HPSE2: variants seen among roughly 807,000 people sequenced by gnomAD.
HPSE2 encodes the protein heparanase 2 (inactive).
A neutral mutation model predicts 60.5 loss-of-function variants in HPSE2; 38 were observed. The ratio of observed to expected loss-of-function variants is 0.63; its 90% CI spans 0.48 to 0.82. The LOEUF (loss-of-function observed/expected upper bound fraction) is 0.82, where lower values mean the gene tolerates loss of function less well. Among genes scored for constraint, HPSE2 ranks in the 40% least tolerant of loss-of-function variants. The pLI is 0.00. For synonymous variants in HPSE2, 295 were observed against 293.2 expected (o/e 1.01, Z -0.06); for missense variants, 713 against 740.4 (o/e 0.96, Z 0.43).
intron 2 of HPSE2, among the ~76,000 whole-genome samples, chr10:99,184,166 G>A (rs1159695942): frequency 6.6e-6 from 1 of 151,986 alleles, no homozygotes; most frequent in Non-Finnish European, 1.5e-5. Context: ...CCATAAAGAG[G>A]AGAAAAATCA....
intron 3 of HPSE2, among the ~76,000 whole-genome samples, chr10:98,868,820 T>A (rs1952659080): frequency 6.6e-6 from 1 of 152,202 alleles, no homozygotes; most frequent in Admixed American, 6.5e-5. Context: ...AATGTCCTAA[T>A]TTTCATGATT....
chr10:98,701,662 A>G (rs1589668983), intron 5 of HPSE2, among the ~76,000 whole-genome samples: 1 of 146,950 alleles, frequency 6.8e-6, no homozygotes, highest in Non-Finnish European at 1.5e-5. Flanking sequence ...AAAATAAAAT[A>G]AAATGAAAAT....
intron 9 of HPSE2, among the ~76,000 whole-genome samples, chr10:98,494,212 T>C (rs939917892): frequency 3.3e-5 from 5 of 152,182 alleles, no homozygotes; most frequent in African/African-American, 1.2e-4. Flanking sequence ...AGTTTTGCCA[T>C]GAGAGTATAC....
chr10:98,644,314 A>G (rs1946710846), intron 6 of HPSE2, among the ~76,000 whole-genome samples: 1 of 152,216 alleles, frequency 6.6e-6, no homozygotes, highest in South Asian at 2.1e-4. Flanking sequence ...CAGATTACTT[A>G]AGGGCCCAAG....
chr10:98,487,285 G>A (rs776040795), intron 10 of HPSE2, among the ~76,000 whole-genome samples: 35 of 152,182 alleles, frequency 2.3e-4, no homozygotes, highest in Non-Finnish European at 3.7e-4. Flanking sequence ...GGTGGTATGA[G>A]GATCTAACTT....
intron 3 of HPSE2, among the ~76,000 whole-genome samples, chr10:98,805,906 T>C (rs898658238): frequency 2.0e-5 from 3 of 152,196 alleles, no homozygotes; most frequent in Non-Finnish European, 4.4e-5. Context: ...TTGTAAATTT[T>C]ATCACTGGGG....
chr10:98,588,107 T>G (rs926210254), intron 9 of HPSE2, among the ~76,000 whole-genome samples: 1 of 152,238 alleles, frequency 6.6e-6, no homozygotes, highest in African/African-American at 2.4e-5. Context: ...TAAAAACATT[T>G]ATTCAGGCAA....
chr10:99,144,132 A>C, intron 3 of HPSE2, 106 bp downstream of exon 3: 2 of 1,121,788 alleles, frequency 1.8e-6, no homozygotes, highest in Non-Finnish European at 2.7e-6. Context: ...ACAAGTCATC[A>C]CAATTTAAAA....
intron 2 of HPSE2, among the ~76,000 whole-genome samples, chr10:99,208,289 A>C (rs1374016561): frequency 6.6e-6 from 1 of 152,180 alleles, no homozygotes; most frequent in Non-Finnish European, 1.5e-5. Context: ...AGGAAGAAAG[A>C]AACAAACAAA....
chr10:99,213,544 T>C (rs922574284), intron 2 of HPSE2, among the ~76,000 whole-genome samples: 3 of 152,116 alleles, frequency 2.0e-5, no homozygotes, highest in Admixed American at 6.5e-5. Context: ...GTTTGAGGCA[T>C]ATATCTTATA....
At chr10:98,826,744 A>C (rs774597584) in intron 3 of HPSE2, among the ~76,000 whole-genome samples, 7 of 152,232 alleles carry the variant, frequency 4.6e-5, no homozygotes, top group Non-Finnish European at 1.0e-4. Flanking sequence ...ACAATTTACC[A>C]GCCATGTGAG....
At chr10:98,688,562 G>A (rs1258250141) in intron 6 of HPSE2, among the ~76,000 whole-genome samples, 1 of 142,416 alleles carries the variant, frequency 7.0e-6, no homozygotes, top group Non-Finnish European at 1.5e-5. Flanking sequence ...TGCAACCTCC[G>A]CCTCTCGGGT....
chr10:98,605,210 T>C (rs1274954449), intron 9 of HPSE2, among the ~76,000 whole-genome samples: 1 of 152,214 alleles, frequency 6.6e-6, no homozygotes, highest in African/African-American at 2.4e-5. Context: ...TTTTCACAAA[T>C]ATTTATCAAG....
At chr10:98,802,256 C>A (rs902023937) in intron 3 of HPSE2, among the ~76,000 whole-genome samples, 5 of 151,666 alleles carry the variant, frequency 3.3e-5, no homozygotes, top group African/African-American at 1.2e-4. Context: ...CTCTCCAGGA[C>A]AGTGGACTAG....
chr10:98,930,496 T>A (rs1363307008), intron 3 of HPSE2, among the ~76,000 whole-genome samples: 1 of 144,630 alleles, frequency 6.9e-6, no homozygotes, highest in Non-Finnish European at 1.5e-5. Flanking sequence ...TTTGGGTATA[T>A]ACCCAGTAAT....
chr10:99,150,286 G>A lies in HPSE2; in HGVS notation c.449-5887C>T, dbSNP rs368059998. ...GTAACCCACAGCAGTGCTAGCCTAAGGTGGCAGTTCTGGTTGAGACAAATG... is the reference window on the plus strand; with the variant it reads ...GTAACCCACAGCAGTGCTAGCCTAAAGTGGCAGTTCTGGTTGAGACAAATG... On this transcript the variant is annotated intron_variant, in intron 2 of 11. Coordinates refer to ENST00000370552, the MANE Select transcript of HPSE2 (RefSeq NM_021828.5). Among the ~76,000 whole-genome samples, 14 of 152,244 alleles carry A rather than the reference G, an allele frequency of 9.2e-5. No homozygotes were observed. The East Asian group carries it at 2.5e-3, about 27-fold the overall frequency.
At chr10:99,281,432 T>C in the HPSE2 span, among the ~76,000 whole-genome samples, 1 of 151,910 alleles carries the variant, frequency 6.6e-6, no homozygotes, top group Admixed American at 6.6e-5. Context: ...TTTTCTGTTA[T>C]AATAAAAGTG....
chr10:98,911,926 A>C (rs1953990008), intron 3 of HPSE2, among the ~76,000 whole-genome samples: 1 of 152,156 alleles, frequency 6.6e-6, no homozygotes, highest in African/African-American at 2.4e-5. Flanking sequence ...GAAACTAAAC[A>C]ATCTCCTCAT....
intron 3 of HPSE2, among the ~76,000 whole-genome samples, chr10:98,989,089 G>A (rs1469737033): frequency 2.0e-5 from 3 of 151,988 alleles, no homozygotes; most frequent in South Asian, 2.1e-4. Context: ...TCAGTGTGGC[G>A]ATTCCTCAGG....
Sources: gnomAD v4.1 joint callset for allele counts (sites outside exome capture counted in the v4.1 genomes callset) on GRCh38, gnomAD v4.1.1 for gene constraint, MANE v1.5 for transcripts, NCBI Gene and HGNC (gene_info 2026-07-23, HGNC 2026-07-21) for gene names.